Variants in FLNB observed in about 807,000 individuals in gnomAD.
FLNB encodes filamin B.
FLNB carries 111 observed loss-of-function variants against 250.6 expected under a neutral mutation model. The observed-to-expected ratio is 0.44, with a 90% confidence interval of 0.38 to 0.52. The LOEUF is 0.52. FLNB is among the 20% of genes least tolerant of loss of function. The probability of loss-of-function intolerance (pLI) is 0.00; values close to 1 mark genes in which losing one functional copy is unlikely to be tolerated. For synonymous variants in FLNB, 1,302 were observed against 1,372.1 expected (o/e 0.95, Z 1.13); for missense variants, 2,869 against 3,447.8 (o/e 0.83, Z 4.20).
rs192402804 is a variant in FLNB, at chr3:58,134,539, T to C, written c.4515-77T>C. ...AATCCCCTTTTCCATCCCACTCTTA[T>C]GTGTAAGAAAAGTCAGATGCAGCTG... On this transcript the variant is annotated intron_variant, in intron 26 of 45. Transcript: ENST00000295956. The C allele has an allele frequency of 9.3e-5, 142 of 1,533,590 alleles. No homozygotes were observed. In the African/African-American group the frequency reaches 1.7e-3, roughly 19 times the overall value. The allele number at this position is 1,533,590 out of a possible 1,614,324, so 95.0% of individuals were successfully genotyped here. A position where few individuals can be genotyped will look rare whatever the true frequency, so the allele number is the denominator to read the frequency against.
chr3:58,043,778 A>G (rs9866947), intron 1 of FLNB, among the ~76,000 whole-genome samples: 6,211 of 152,216 alleles, frequency 0.041, 406 homozygotes, highest in African/African-American at 0.14. Context: ...TCCTTGAATT[A>G]TGTGCCCAGC....
chr3:58,106,790 A>G lies in FLNB; in HGVS notation c.1858A>G (p.Ile620Val). The G allele has an allele frequency of 1.9e-6, 3 of 1,614,130 alleles. No homozygotes were observed. Among genetic ancestry groups the G allele is most frequent in the Non-Finnish European group, 2.5e-6 (3 of 1,180,018 alleles). ...GGAGCCTGGCGAATATGCTGTTCAC[A>G]TCATGTGTGACGACGAAGACATCAA... is the stretch of plus-strand genomic sequence containing the variant. Reference protein sequence around the residue: ...PKEPGEYAVHIMCDDEDIKDS... With the variant: ...PKEPGEYAVHVMCDDEDIKDS... The change falls in exon 12 of 46, where the codon ATC (isoleucine) becomes GTC (valine). Residue 620 changes from isoleucine (I) to valine (V), a missense_variant. Ile to Val is a conservative substitution (Grantham distance 29). This residue lies in a region of FLNB where 1,348 missense variants were observed against 1,466.7 expected (regional missense o/e 0.92). Coordinates refer to ENST00000295956, the MANE Select transcript of FLNB (RefSeq NM_001457.4).
Position 58,146,828 on chromosome 3 carries a change from G to C in FLNB, c.5563G>C (p.Asp1855His). ...CCTGTTCCCACTTGTAGGTGGTCTG[G>C]ACTTGGCTATTGAGGGCCCCTCAAA... The part of the protein sequence containing the change: ...VTEDAGEGGL[D>H]LAIEGPSKAE... Residue 1855 changes from aspartate to histidine, a missense_variant, in exon 34 of 46, where the codon GAC becomes CAC. Transcript: ENST00000295956. 2 of 1,614,150 alleles carry C rather than the reference G, an allele frequency of 1.2e-6. No individual in the cohort carries two copies. The highest frequency in any genetic ancestry group is 1.7e-6 in the Non-Finnish European group (2 of 1,180,018).
At chr3:58,042,739 G>A (rs147042304) in intron 1 of FLNB, among the ~76,000 whole-genome samples, 1 of 151,926 alleles carries the variant, frequency 6.6e-6, no homozygotes, top group African/African-American at 2.4e-5. Flanking sequence ...GGCTGGTCTC[G>A]AACTCCTGGG....
At chr3:58,098,627 T>C (rs1377292904) in intron 7 of FLNB, 84 bp from the exon 8 acceptor site, 2 of 1,313,838 alleles carry the variant, frequency 1.5e-6, no homozygotes, top group Non-Finnish European at 1.1e-6. Context: ...GCCACCACAC[T>C]GGTCCTGTTT....
intron 4 of FLNB, among the ~76,000 whole-genome samples, chr3:58,084,893 C>T (rs935613015): frequency 2.0e-5 from 3 of 151,966 alleles, no homozygotes; most frequent in Non-Finnish European, 4.4e-5. Flanking sequence ...TGGAATCATA[C>T]GCTGTCTGTT....
chr3:58,084,336 C>T (rs2097213880), intron 4 of FLNB, among the ~76,000 whole-genome samples: 1 of 152,100 alleles, frequency 6.6e-6, no homozygotes, highest in Admixed American at 6.5e-5. Context: ...CCAGATTGGT[C>T]AAATGGACTG....
intron 18 of FLNB, among the ~76,000 whole-genome samples, chr3:58,115,138 T>C (rs1391950307): frequency 6.6e-6 from 1 of 152,208 alleles, no homozygotes; most frequent in Non-Finnish European, 1.5e-5. Context: ...AACACTTTTA[T>C]AGATAGAGCA....
chr3:58,084,759 C>T (rs2106984027), intron 4 of FLNB, among the ~76,000 whole-genome samples: 1 of 152,182 alleles, frequency 6.6e-6, no homozygotes, highest in South Asian at 2.1e-4. Flanking sequence ...ACAATAGCGC[C>T]CCATTCTCCC....
intron 18 of FLNB, among the ~76,000 whole-genome samples, chr3:58,113,957 G>T (rs1343474435): frequency 1.3e-5 from 2 of 152,146 alleles, no homozygotes; most frequent in African/African-American, 2.4e-5. Flanking sequence ...GATATTACAG[G>T]CATGAGCCAC....
At chr3:58,158,636 G>C (rs536373714) in intron 41 of FLNB, among the ~76,000 whole-genome samples, 187 of 152,338 alleles carry the variant, frequency 1.2e-3, no homozygotes, top group Non-Finnish European at 2.1e-3. Flanking sequence ...AAATGCTGCT[G>C]TTCAGGATTG....
chr3:58,139,518 C>T (rs1172448292), intron 29 of FLNB, among the ~76,000 whole-genome samples: 4 of 152,218 alleles, frequency 2.6e-5, no homozygotes, highest in African/African-American at 4.8e-5. Context: ...TTCTTCCGAA[C>T]AGTCTATACT....
In FLNB at chr3:58,164,661, C is replaced by G. The variant is rs557588452; in HGVS notation, c.7198+1331C>G. ...GCAGTGGCCTCAGCAAAGCCACCCA[C>G]AGGGGTGGTGTGAGTGCTGCCAGAC... On this transcript the variant is annotated intron_variant, in intron 43 of 45. Coordinates refer to ENST00000295956, the MANE Select transcript of FLNB (RefSeq NM_001457.4). This position sits in a 1 kb window ranked among gnomAD's most constrained non-coding sequence, Gnocchi z 4.0. The G allele has an allele frequency of 4.6e-5, 7 of 152,398 alleles. No individual in the cohort carries two copies. Among genetic ancestry groups the G allele is most frequent in the African/African-American group, 1.7e-4 (7 of 41,588 alleles). The allele number at this position is 152,398 out of a possible 1,614,324, so 9.4% of individuals were successfully genotyped here. A position where few individuals can be genotyped will look rare whatever the true frequency, so the allele number is the denominator to read the frequency against.
chr3:58,126,500 T>C (rs921522801), intron 23 of FLNB, 102 bp from the exon 24 acceptor site: 2 of 1,079,586 alleles, frequency 1.9e-6, no homozygotes, highest in African/African-American at 3.1e-5. Context: ...TTGGGGTGGC[T>C]ACGTGGAATA....
intron 1 of FLNB, among the ~76,000 whole-genome samples, chr3:58,048,173 A>G (rs1416060780): frequency 6.6e-6 from 1 of 152,210 alleles, no homozygotes; most frequent in East Asian, 1.9e-4. Context: ...TTTGGTTTCA[A>G]AGTCACATAC....
At chr3:58,081,844 TC>T in intron 4 of FLNB, 68 bp downstream of exon 4, 4 of 1,546,018 alleles carry the variant, frequency 2.6e-6, no homozygotes, top group Non-Finnish European at 3.6e-6. Context: ...TTTCATGGCT[TC>T]AAGAGTGATG....
At chr3:58,037,323 C>T (rs2097139507) in intron 1 of FLNB, among the ~76,000 whole-genome samples, 1 of 152,156 alleles carries the variant, frequency 6.6e-6, no homozygotes, top group Non-Finnish European at 1.5e-5. Context: ...CTTTGGCCTC[C>T]CAAAGTGCTA....
At chr3:58,068,737 A>T (rs532444452) in intron 1 of FLNB, among the ~76,000 whole-genome samples, 1 of 152,226 alleles carries the variant, frequency 6.6e-6, no homozygotes, top group African/African-American at 2.4e-5. Context: ...GAGCTCTTCA[A>T]TGTGGGGTGG....
chr3:58,029,186 T>C (rs1408000263), intron 1 of FLNB, among the ~76,000 whole-genome samples: 1 of 152,198 alleles, frequency 6.6e-6, no homozygotes, highest in Admixed American at 6.5e-5. Context: ...TCCTAAAAGC[T>C]GATTTGAGTT....
Sources: gnomAD v4.1 joint callset for allele counts (sites outside exome capture counted in the v4.1 genomes callset) on GRCh38, gnomAD v4.1.1 for gene constraint, gnomAD v4.1.1 regional missense constraint, Gnocchi (gnomAD v3.1) non-coding constraint, MANE v1.5 for transcripts, NCBI Gene and HGNC (gene_info 2026-07-23, HGNC 2026-07-21) for gene names.